Variants in PSD3 observed in about 807,000 individuals in gnomAD.
PSD3 encodes pleckstrin and Sec7 domain containing 3.
Under a neutral mutation model 105.5 loss-of-function variants are expected in PSD3, and 49 were observed. The ratio of observed to expected loss-of-function variants is 0.46; its 90% CI spans 0.37 to 0.59. PSD3 has a LOEUF of 0.59. Among genes scored for constraint, PSD3 ranks in the 20% least tolerant of loss-of-function variants. The probability of loss-of-function intolerance (pLI) is 0.00; values close to 1 mark genes in which losing one functional copy is unlikely to be tolerated. For missense variants in PSD3, 1,561 were observed against 1,263.8 expected, an observed-to-expected ratio of 1.24 and a Z score of -3.57; for synonymous variants, 557 against 457.8, an observed-to-expected ratio of 1.22 and a Z score of -2.77.
intron 11 of PSD3, among the ~76,000 whole-genome samples, chr8:18,610,231 T>C (rs1406515717): frequency 2.0e-5 from 3 of 152,182 alleles, no homozygotes; most frequent in Admixed American, 6.5e-5. Context: ...ACTTCTTTAT[T>C]TGAGTCCTTG....
At chr8:18,859,565 A>G (rs2129454923) in intron 4 of PSD3, among the ~76,000 whole-genome samples, 1 of 152,336 alleles carries the variant, frequency 6.6e-6, no homozygotes, top group Middle Eastern at 3.4e-3. Flanking sequence ...TACAGTGAAA[A>G]TGTGTTGTTT....
intron 9 of PSD3, among the ~76,000 whole-genome samples, chr8:18,699,597 T>C (rs532867008): frequency 6.0e-4 from 92 of 152,338 alleles, no homozygotes; most frequent in Admixed American, 1.2e-3. Context: ...TGAAGGATAG[T>C]GCCCTTAGAA....
chr8:18,615,697 A>G (rs1314471613), intron 11 of PSD3, among the ~76,000 whole-genome samples: 1 of 152,196 alleles, frequency 6.6e-6, no homozygotes, highest in Non-Finnish European at 1.5e-5. Context: ...CAGGGTGTTA[A>G]AATAAATGTA....
At chr8:18,823,363 C>A (rs974456519) in intron 4 of PSD3, among the ~76,000 whole-genome samples, 2 of 152,106 alleles carry the variant, frequency 1.3e-5, no homozygotes, top group African/African-American at 4.8e-5. Context: ...ACTAAACATC[C>A]TTTAAATCAG....
intron 9 of PSD3, among the ~76,000 whole-genome samples, chr8:18,750,781 T>A (rs1190405095): frequency 6.6e-6 from 1 of 152,074 alleles, no homozygotes; most frequent in Non-Finnish European, 1.5e-5. Flanking sequence ...ACACAGGTTC[T>A]CCAAGGCCCC....
At chr8:18,985,957 T>C (rs958945109) in intron 1 of PSD3, among the ~76,000 whole-genome samples, 12 of 152,076 alleles carry the variant, frequency 7.9e-5, no homozygotes, top group African/African-American at 2.9e-4. Context: ...CTACCTCACT[T>C]TGTTACTCAA....
intron 1 of PSD3, among the ~76,000 whole-genome samples, chr8:18,994,485 G>A (rs1825961850): frequency 6.6e-6 from 1 of 152,042 alleles, no homozygotes; most frequent in South Asian, 2.1e-4. Flanking sequence ...TGTCATACCT[G>A]CAGCTGCTCT....
intron 15 of PSD3, among the ~76,000 whole-genome samples, chr8:18,555,339 C>T (rs754938096): frequency 2.7e-5 from 4 of 150,748 alleles, no homozygotes; most frequent in Non-Finnish European, 4.4e-5. Flanking sequence ...AAGATGAAAA[C>T]AAAGGAGAGG....
chr8:18,665,073 C>A lies in PSD3; in HGVS notation c.2173-9388G>T, dbSNP rs62495771. Among the ~76,000 whole-genome samples, 930 of 152,322 alleles carry A rather than the reference C, an allele frequency of 6.1e-3. 3 individuals carry two copies. Among genetic ancestry groups the A allele is most frequent in the Non-Finnish European group, 0.01 (704 of 68,038 alleles). On this transcript the variant is annotated intron_variant, in intron 9 of 15. Coordinates refer to ENST00000327040, the MANE Select transcript of PSD3 (RefSeq NM_015310.4). ...ACTGTTGTTTTCATGCCTGCTAACA[C>A]AACATCCATTCCGTAGACCATGGAT...
chr8:18,820,346 C>CA (rs1292700407), intron 4 of PSD3, among the ~76,000 whole-genome samples: 1 of 151,930 alleles, frequency 6.6e-6, no homozygotes, highest in Non-Finnish European at 1.5e-5. Context: ...ATCTTAGATT[C>CA]AAAAAATTTG....
rs901326638 is a variant in PSD3 at position 18,624,769 on chromosome 8, T to C, written c.2410+7844A>G. On this transcript the variant is annotated intron_variant, in intron 11 of 15. Coordinates refer to ENST00000327040, the MANE Select transcript of PSD3 (RefSeq NM_015310.4). ...ATGGATCCTAATCCTTTATTGGTAATATGCTACAAGTATCTTAATCTGTGA... is the reference window on the plus strand; with the variant it reads ...ATGGATCCTAATCCTTTATTGGTAACATGCTACAAGTATCTTAATCTGTGA... Among the ~76,000 whole-genome samples, 48 of 152,060 alleles carry C rather than the reference T, an allele frequency of 3.2e-4. 1 individual carries two copies. Among genetic ancestry groups the C allele is most frequent in the Admixed American group, 2.4e-3 (36 of 15,258 alleles).
intron 1 of PSD3, among the ~76,000 whole-genome samples, chr8:18,980,093 T>C (rs916833615): frequency 6.6e-6 from 1 of 152,216 alleles, no homozygotes; most frequent in Non-Finnish European, 1.5e-5. Flanking sequence ...TACAATCTCA[T>C]ATGGAAATCA....
intron 9 of PSD3, among the ~76,000 whole-genome samples, chr8:18,726,068 T>C (rs1803314611): frequency 6.6e-6 from 1 of 152,202 alleles, no homozygotes; most frequent in South Asian, 2.1e-4. Flanking sequence ...TCACAGTTCA[T>C]GGACGTTATT....
At chr8:18,735,645 T>C (rs1804096389) in intron 9 of PSD3, among the ~76,000 whole-genome samples, 1 of 152,182 alleles carries the variant, frequency 6.6e-6, no homozygotes, top group African/African-American at 2.4e-5. Context: ...GGGTAAGCCT[T>C]ACATAAAAAG....
chr8:18,933,490 C>CA (rs1785646133), intron 2 of PSD3, among the ~76,000 whole-genome samples: 1 of 151,996 alleles, frequency 6.6e-6, no homozygotes, highest in South Asian at 2.1e-4. Flanking sequence ...TTTTTTGAGA[C>CA]AGAGTCTCAC....
chr8:18,560,331 C>T (rs562670106), intron 14 of PSD3, among the ~76,000 whole-genome samples: 14 of 152,186 alleles, frequency 9.2e-5, no homozygotes, highest in African/African-American at 3.1e-4. Flanking sequence ...GTAATAGACA[C>T]GATGAAGAAA....
At chr8:18,641,283 G>A (rs1237347583) in intron 10 of PSD3, among the ~76,000 whole-genome samples, 1 of 152,136 alleles carries the variant, frequency 6.6e-6, no homozygotes, top group Non-Finnish European at 1.5e-5. Context: ...CAATGCTTGG[G>A]AACTGGTATC....
chr8:18,871,553 T>C (rs1817347924), intron 3 of PSD3, 73 bp downstream of exon 3: 2 of 1,503,234 alleles, frequency 1.3e-6, no homozygotes, highest in Admixed American at 4.5e-5. Context: ...AGTTCTCATA[T>C]CAAGTACAGG....
chr8:18,961,540 AT>A (rs1341285964), intron 1 of PSD3, among the ~76,000 whole-genome samples: 1 of 151,980 alleles, frequency 6.6e-6, no homozygotes, highest in Non-Finnish European at 1.5e-5. Flanking sequence ...AAATAGAAAA[AT>A]TAGCTGGGCA....
Sources: allele counts gnomAD v4.1 joint callset (sites outside exome capture counted in the v4.1 genomes callset), GRCh38; gene constraint gnomAD v4.1.1; transcripts MANE v1.5; gene names NCBI Gene and HGNC (gene_info 2026-07-23, HGNC 2026-07-21).